NUBPL: variants seen among roughly 807,000 people sequenced by gnomAD.
NUBPL encodes the protein iron-sulfur cluster transfer protein NUBPL.
Under a neutral mutation model 45.7 loss-of-function variants are expected in NUBPL, and 31 were observed. The ratio of observed to expected loss-of-function variants is 0.68; its 90% CI spans 0.51 to 0.92. NUBPL has a LOEUF of 0.92. NUBPL is among the 40% of genes least tolerant of loss of function. NUBPL has a pLI of 0.00. For synonymous variants in NUBPL, 144 were observed against 140.9 expected (o/e 1.02, Z -0.15); for missense variants, 401 against 398.7 (o/e 1.01, Z -0.05).
At chr14:31,855,854 G>A (rs1253252836) in intron 10 of NUBPL, among the ~76,000 whole-genome samples, 1 of 152,060 alleles carries the variant, frequency 6.6e-6, no homozygotes, top group Non-Finnish European at 1.5e-5. Context: ...TCTCTTACTA[G>A]CTATAATGTT....
At chr14:31,809,344 G>A (rs925204760) in intron 7 of NUBPL, among the ~76,000 whole-genome samples, 5 of 152,134 alleles carry the variant, frequency 3.3e-5, no homozygotes, top group African/African-American at 1.2e-4. Context: ...TTTAGTCTTA[G>A]GAGGGTGTAT....
At chr14:31,640,100 G>A (rs1188594276) in intron 4 of NUBPL, among the ~76,000 whole-genome samples, 13 of 152,056 alleles carry the variant, frequency 8.5e-5, no homozygotes, top group Admixed American at 2.6e-4. Context: ...ACTCTCCTGC[G>A]CCCACTGTCA....
intron 6 of NUBPL, among the ~76,000 whole-genome samples, chr14:31,743,805 T>C (rs1164686187): frequency 6.6e-6 from 1 of 150,952 alleles, no homozygotes; most frequent in African/African-American, 2.4e-5. Context: ...AAAGGAGATA[T>C]TGTGTGTGTG....
At chr14:31,753,234 T>C (rs1427725292) in intron 6 of NUBPL, among the ~76,000 whole-genome samples, 1 of 152,150 alleles carries the variant, frequency 6.6e-6, no homozygotes, top group Non-Finnish European at 1.5e-5. Flanking sequence ...GTCCAGTGGC[T>C]CCACTGGTCA....
chr14:31,830,591 G>A (rs2040173437), intron 8 of NUBPL, among the ~76,000 whole-genome samples: 1 of 152,118 alleles, frequency 6.6e-6, no homozygotes, highest in African/African-American at 2.4e-5. Context: ...AGTATGCCAG[G>A]AAAAGTTAAT....
intron 4 of NUBPL, among the ~76,000 whole-genome samples, chr14:31,646,146 A>C (rs2035845129): frequency 6.6e-6 from 1 of 151,932 alleles, no homozygotes; most frequent in Non-Finnish European, 1.5e-5. Context: ...TTTCCTGGAT[A>C]TACTATTCTT....
intron 6 of NUBPL, among the ~76,000 whole-genome samples, chr14:31,706,818 T>C (rs1247978990): frequency 6.6e-6 from 1 of 152,238 alleles, no homozygotes; most frequent in Admixed American, 6.5e-5. Flanking sequence ...TGTTAATTTT[T>C]AGTAAACCTT....
chr14:31,638,703 C>T (rs535731081), intron 4 of NUBPL, among the ~76,000 whole-genome samples: 83 of 152,322 alleles, frequency 5.4e-4, no homozygotes, highest in South Asian at 2.9e-3. Flanking sequence ...TGGTTCCATT[C>T]TCCCTGTCAC....
At chr14:31,700,596 C>T (rs763401234) in intron 6 of NUBPL, among the ~76,000 whole-genome samples, 13 of 152,048 alleles carry the variant, frequency 8.5e-5, no homozygotes, top group Non-Finnish European at 1.3e-4. Flanking sequence ...CAGGCCAGCG[C>T]GAGTTCCGGG....
intron 8 of NUBPL, among the ~76,000 whole-genome samples, chr14:31,840,859 C>T (rs10148852): frequency 6.6e-6 from 1 of 151,944 alleles, no homozygotes; most frequent in Non-Finnish European, 1.5e-5. Flanking sequence ...GTGCCACCTT[C>T]TAGTCACTAC....
intron 10 of NUBPL, among the ~76,000 whole-genome samples, chr14:31,854,376 ATG>A (rs1353740242): frequency 1.3e-5 from 2 of 152,188 alleles, no homozygotes; most frequent in East Asian, 3.8e-4. Context: ...TACATATGAT[ATG>A]TGTGTGTGTT....
chr14:31,600,389 A>G (rs1168407748), intron 4 of NUBPL, among the ~76,000 whole-genome samples: 1 of 152,084 alleles, frequency 6.6e-6, no homozygotes, highest in Non-Finnish European at 1.5e-5. Flanking sequence ...TCACACACCC[A>G]CACTCATTCA....
chr14:31,759,181 T>G (rs2038742631), intron 6 of NUBPL, among the ~76,000 whole-genome samples: 1 of 152,204 alleles, frequency 6.6e-6, no homozygotes. Context: ...GAGAAGATTT[T>G]GTAATTTGTT....
chr14:31,816,704 T>C (rs1041347793), intron 7 of NUBPL, among the ~76,000 whole-genome samples: 1 of 152,184 alleles, frequency 6.6e-6, no homozygotes, highest in African/African-American at 2.4e-5. Flanking sequence ...ACTTTAGCTG[T>C]GTCCCAGAGA....
chr14:31,712,718 G>A (rs980737852), intron 6 of NUBPL, among the ~76,000 whole-genome samples: 5 of 152,234 alleles, frequency 3.3e-5, no homozygotes, highest in African/African-American at 1.2e-4. Context: ...CAGGGGTTTG[G>A]TCTGGGTCCT....
intron 6 of NUBPL, among the ~76,000 whole-genome samples, chr14:31,701,025 G>A (rs1782983125): frequency 6.6e-6 from 1 of 152,234 alleles, no homozygotes; most frequent in South Asian, 2.1e-4. Flanking sequence ...AGCCGGCTGG[G>A]GACTTGGAGA....
Position 31,850,136 on chromosome 14 carries a change from C to T in NUBPL, c.832C>T (p.Leu278Phe). 6.2e-7 allele frequency: 1 copy of T among 1,613,404 alleles called. No homozygotes were observed. Among genetic ancestry groups the T allele is most frequent in the Admixed American group, 1.7e-5 (1 of 60,016 alleles). ...LEVLGDIPLH[L>F]NIREASDTGQ... ...TCTTTTAGGAGACATTCCCTTACACCTTAATATAAGGGAAGCTTCAGATAC... is the reference window on the plus strand; with the variant it reads ...TCTTTTAGGAGACATTCCCTTACACTTTAATATAAGGGAAGCTTCAGATAC... The change falls in exon 10 of 11, where the codon CTT (leucine) becomes TTT (phenylalanine). Residue 278 changes from leucine (L) to phenylalanine (F), a missense_variant. Leu to Phe is a conservative substitution (Grantham distance 22, BLOSUM62 0). Transcript: ENST00000281081.
chr14:31,663,639 T>C (rs1216968666), intron 4 of NUBPL, among the ~76,000 whole-genome samples: 1 of 152,230 alleles, frequency 6.6e-6, no homozygotes, highest in Non-Finnish European at 1.5e-5. Context: ...TTGGTTACTG[T>C]AGCCTTGTAG....
chr14:31,691,771 GT>G (rs1472396269), intron 6 of NUBPL, among the ~76,000 whole-genome samples: 5 of 152,180 alleles, frequency 3.3e-5, no homozygotes, highest in Admixed American at 3.3e-4. Flanking sequence ...TGCCAGGATT[GT>G]TCCTTGTAAT....
Sources: gnomAD v4.1 joint callset for allele counts (sites outside exome capture counted in the v4.1 genomes callset) on GRCh38, gnomAD v4.1.1 for gene constraint, MANE v1.5 for transcripts, NCBI Gene and HGNC (gene_info 2026-07-23, HGNC 2026-07-21) for gene names.